UGT1A9: variants seen among roughly 807,000 people sequenced by gnomAD.
UGT1A9 encodes the protein UDP glucuronosyltransferase family 1 member A9.
UGT1A9 carries 35 observed loss-of-function variants against 45.0 expected under a neutral mutation model. The observed-to-expected ratio is 0.78, with a 90% CI of 0.59 to 1.03. UGT1A9 has a LOEUF of 1.03. Among genes scored for constraint, UGT1A9 ranks in the 50% least tolerant of loss-of-function variants. UGT1A9 has a pLI of 0.00. For synonymous variants in UGT1A9, 278 were observed against 250.6 expected (o/e 1.11, Z -1.03); for missense variants, 687 against 666.6 (o/e 1.03, Z -0.34).
In UGT1A9 at chr2:233,772,705, C is replaced by G. The variant is rs769331263; in HGVS notation, c.*146C>G. ...CAGCCCCAGAGTGCTTTAAAAAATT[C>G]TCTTAAATAAAAATAATAGACTCGC... is the stretch of plus-strand genomic sequence containing the variant. On this transcript the variant is annotated 3_prime_UTR_variant, in exon 5 of 5. Coordinates refer to ENST00000354728, the MANE Select transcript of UGT1A9 (RefSeq NM_021027.3). 3.4e-6 allele frequency: 5 copies of G among 1,474,690 alleles called. No individual in the cohort carries two copies. Among genetic ancestry groups the G allele is most frequent in the Non-Finnish European group, 4.5e-6 (5 of 1,119,720 alleles). 91.4% of individuals were successfully genotyped at this position (1,474,690 alleles called of 1,614,324 possible).
rs759121994 is a variant in UGT1A9 at position 233,689,908 on chromosome 2, G to A, written c.855+17119G>A. 104 of 456,562 alleles carry A rather than the reference G, an allele frequency of 2.3e-4. 2 individuals are homozygous for A. The highest frequency in any genetic ancestry group is 1.5e-3 in the South Asian group (94 of 64,560). 28.3% of individuals were successfully genotyped at this position (456,562 alleles called of 1,614,324 possible). ...CTTATTTATTTCTCAGGGCCAGGTA[G>A]GTGCCTGGAATTTCCTTCGAAAGAA... is the stretch of plus-strand genomic sequence containing the variant. On this transcript the variant is annotated intron_variant, in intron 1 of 4. Transcript: ENST00000354728.
Position 233,696,288 on chromosome 2 carries a change from G to A in UGT1A9, c.855+23499G>A, listed in dbSNP as rs2075336055. Among the ~76,000 whole-genome samples, 4 of 152,290 alleles carry A rather than the reference G, an allele frequency of 2.6e-5. No individual in the cohort carries two copies. In the South Asian group the frequency reaches 8.3e-4, roughly 32 times the overall value. On this transcript the variant is annotated intron_variant, in intron 1 of 4. Transcript: ENST00000354728. ...GAATGGATAAAGAAAACGTAGGACTGTAATATCGTGAAATATATATTTGGT... is the reference window on the plus strand; with the variant it reads ...GAATGGATAAAGAAAACGTAGGACTATAATATCGTGAAATATATATTTGGT...
At chr2:233,707,801 C>T (rs2075988257) in intron 1 of UGT1A9, among the ~76,000 whole-genome samples, 1 of 152,112 alleles carries the variant, frequency 6.6e-6, no homozygotes, top group African/African-American at 2.4e-5. Context: ...GGAGCTGCTG[C>T]GTTGGAGGGC....
intron 1 of UGT1A9, among the ~76,000 whole-genome samples, chr2:233,695,634 C>T (rs1162944712): frequency 6.6e-6 from 1 of 152,010 alleles, no homozygotes; most frequent in Non-Finnish European, 1.5e-5. Flanking sequence ...CCATGAGACC[C>T]ACTTTTTTAG....
chr2:233,727,891 C>T (rs1001940161), intron 1 of UGT1A9, among the ~76,000 whole-genome samples: 27 of 152,186 alleles, frequency 1.8e-4, no homozygotes, highest in East Asian at 1.7e-3. Flanking sequence ...ATGGCAGACA[C>T]GGCCAGGCAA....
At chr2:233,746,140 G>A (rs779278440) in intron 1 of UGT1A9, among the ~76,000 whole-genome samples, 6 of 151,874 alleles carry the variant, frequency 4.0e-5, no homozygotes, top group Non-Finnish European at 8.8e-5. Context: ...TGGCACCTGA[G>A]TGATAGCATG....
chr2:233,691,330 G>C, intron 1 of UGT1A9: 1 of 985,542 alleles, frequency 1.0e-6, no homozygotes, highest in Non-Finnish European at 1.2e-6. Flanking sequence ...AGCTTGGACT[G>C]AGCTGAGTCT....
intron 1 of UGT1A9, among the ~76,000 whole-genome samples, chr2:233,677,982 A>T (rs939472601): frequency 2.0e-5 from 3 of 152,240 alleles, no homozygotes; most frequent in Non-Finnish European, 4.4e-5. Flanking sequence ...TGGAATATGC[A>T]GCCATAAAAA....
chr2:233,706,256 G>A (rs1203609602), intron 1 of UGT1A9, among the ~76,000 whole-genome samples: 2 of 152,248 alleles, frequency 1.3e-5, no homozygotes, highest in African/African-American at 4.8e-5. Context: ...AACCAGGGCA[G>A]CTGGATTGCC....
Position 233,724,773 on chromosome 2 carries a change from C to T in UGT1A9, c.856-42261C>T, listed in dbSNP as rs1185900341. 1.4e-5 allele frequency among the ~76,000 whole-genome samples: 2 copies of T among 142,472 alleles called. 1 individual carries two copies. Among genetic ancestry groups the T allele is most frequent in the African/African-American group, 5.4e-5 (2 of 37,242 alleles). 93.5% of individuals were successfully genotyped at this position (142,472 alleles called of 152,430 possible). ...CAGACGATGGGCGGCCAGGCAGAGACACTCCTCACTTCCCAGACGGGGTGG... is the reference window on the plus strand; with the variant it reads ...CAGACGATGGGCGGCCAGGCAGAGATACTCCTCACTTCCCAGACGGGGTGG... On this transcript the variant is annotated intron_variant, in intron 1 of 4. Transcript: ENST00000354728.
At chr2:233,726,995 G>T (rs1214460784) in intron 1 of UGT1A9, among the ~76,000 whole-genome samples, 3 of 152,034 alleles carry the variant, frequency 2.0e-5, no homozygotes, top group African/African-American at 4.8e-5. Flanking sequence ...GTTCTTTCTA[G>T]CAAAGTTTTA....
At chr2:233,673,430 C>T (rs1163384420) in intron 1 of UGT1A9, among the ~76,000 whole-genome samples, 1 of 152,006 alleles carries the variant, frequency 6.6e-6, no homozygotes, top group Non-Finnish European at 1.5e-5. Context: ...TGAATAGGGC[C>T]GTGTAAACAC....
chr2:233,688,919 A>C (rs926541519), intron 1 of UGT1A9, among the ~76,000 whole-genome samples: 4 of 152,204 alleles, frequency 2.6e-5, no homozygotes, highest in Non-Finnish European at 4.4e-5. Context: ...TGTGCCAAGC[A>C]GGGAAGATGG....
In UGT1A9 at chr2:233,755,161, CG is replaced by C. The variant is rs146856809; in HGVS notation, c.856-11869del. The stretch of plus-strand genomic sequence containing the variant: ...CTTCTCACCGCTTCCTCCCTGTCCT[CG>C]GGGTTTTTGTCGGGGTGCCACTTGA... On this transcript the variant is annotated intron_variant, in intron 1 of 4. Transcript: ENST00000354728. 2.3e-3 allele frequency: 2,947 copies of C among 1,292,234 alleles called. 56 individuals carry two copies. The African/African-American group carries it at 0.041, about 18-fold the overall frequency. The allele number at this position is 1,292,234 out of a possible 1,614,324, so 80.0% of individuals were successfully genotyped here.
At chr2:233,742,415 C>A (rs1691970237) in intron 1 of UGT1A9, among the ~76,000 whole-genome samples, 1 of 151,952 alleles carries the variant, frequency 6.6e-6, no homozygotes, top group Non-Finnish European at 1.5e-5. Context: ...TTAGGAACAC[C>A]TTAAGCGGTT....
chr2:233,772,111 T>C (rs1459691465), intron 4 of UGT1A9, 151 bp from the exon 5 acceptor site: 1 of 1,527,060 alleles, frequency 6.5e-7, no homozygotes, highest in East Asian at 2.5e-5. Context: ...AGACTCTGTA[T>C]CTAAAAACAA....
rs45547931 is a variant in UGT1A9 at position 233,729,802 on chromosome 2, G to A, written c.856-37232G>A. ...TCTGGCCCTGTCCTACATTTGCCAT[G>A]CTTTTTCTGCTCCTTATGCAAGCCT... On this transcript the variant is annotated intron_variant, in intron 1 of 4. Transcript: ENST00000354728. 1.3e-5 allele frequency: 21 copies of A among 1,613,942 alleles called. No homozygotes were observed. The East Asian group carries it at 3.8e-4, about 29-fold the overall frequency.
intron 1 of UGT1A9, among the ~76,000 whole-genome samples, chr2:233,687,898 A>G (rs1431365318): frequency 6.6e-6 from 1 of 152,168 alleles, no homozygotes; most frequent in Non-Finnish European, 1.5e-5. Context: ...ATAGACTAAG[A>G]CCTTGTCTCA....
chr2:233,697,829 T>C (rs1462256718), intron 1 of UGT1A9, among the ~76,000 whole-genome samples: 1 of 152,194 alleles, frequency 6.6e-6, no homozygotes, highest in Non-Finnish European at 1.5e-5. Flanking sequence ...CAAGAAAATC[T>C]AATTAAGAAG....
Sources: gnomAD v4.1 joint callset for allele counts (sites outside exome capture counted in the v4.1 genomes callset) on GRCh38, gnomAD v4.1.1 for gene constraint, MANE v1.5 for transcripts, NCBI Gene and HGNC (gene_info 2026-07-23, HGNC 2026-07-21) for gene names.